Variants in PDK3 observed in about 807,000 individuals in gnomAD.
PDK3 encodes pyruvate dehydrogenase kinase, isozyme 3.
In PDK3, 12 loss-of-function variants were observed where a neutral mutation model predicts 32.0. The ratio of observed to expected loss-of-function variants is 0.37; its 90% CI spans 0.24 to 0.61. PDK3 has a LOEUF of 0.61. Among genes scored for constraint, PDK3 ranks in the 20% least tolerant of loss-of-function variants. The pLI, the probability that PDK3 is intolerant of heterozygous loss-of-function variation, is 0.65. For synonymous variants in PDK3, 122 were observed against 116.3 expected, an observed-to-expected ratio of 1.05 and a Z score of -0.31; for missense variants, 188 against 316.9, an observed-to-expected ratio of 0.59 and a Z score of 3.09.
intron 1 of PDK3, among the ~76,000 whole-genome samples, chrX:24,470,406 G>A (rs1920978066): frequency 1.8e-5 from 2 of 111,036 alleles, no homozygotes; most frequent in South Asian, 7.5e-4. Flanking sequence ...ATCCTACTTG[G>A]CTAGGCGCGG....
chrX:24,474,387 A>T (rs867949909), intron 1 of PDK3, among the ~76,000 whole-genome samples: 15 of 85,374 alleles, frequency 1.8e-4, no homozygotes, highest in Admixed American at 1.2e-3. Context: ...AGTTTATTTT[A>T]TTTATTTATT....
chrX:24,479,968 T>C (rs1021419719), intron 1 of PDK3, among the ~76,000 whole-genome samples: 2 of 111,351 alleles, frequency 1.8e-5, no homozygotes, highest in African/African-American at 6.6e-5. Context: ...GACTCACACG[T>C]ATAATAGGTA....
intron 3 of PDK3, 73 bp downstream of exon 3, chrX:24,498,973 C>A (rs1921785216): frequency 1.7e-6 from 1 of 593,438 alleles, no homozygotes; most frequent in Non-Finnish European, 2.6e-6. Context: ...TAATTCAAGT[C>A]ATTAAGACTC....
downstream of PDK3, chrX:24,539,335 C>T: frequency 2.4e-6 from 1 of 418,831 alleles, no homozygotes; most frequent in Non-Finnish European, 4.2e-6. Flanking sequence ...TTTCCTGTAG[C>T]TACTCCAGAT....
intron 5 of PDK3, among the ~76,000 whole-genome samples, chrX:24,506,803 T>TTC (rs1921991953): frequency 1.5e-5 from 1 of 65,852 alleles, no homozygotes; most frequent in Non-Finnish European, 2.9e-5. Context: ...TTTTCTTTCT[T>TTC]TTTTTTTTTT....
chrX:24,465,691 C>A lies in PDK3; in HGVS notation c.106+130C>A, dbSNP rs898748045. 8.0e-6 allele frequency: 4 copies of A among 498,534 alleles called. No homozygotes were observed. The African/African-American group carries it at 9.7e-5, about 12-fold the overall frequency. The allele number at this position is 498,534 out of a possible 1,213,427, so 41.1% of individuals were successfully genotyped here. On this transcript the variant is annotated intron_variant, in intron 1 of 10. Transcript: ENST00000379162. ...GGGGCTAGGGAATATCCGGGGGGCT[C>A]TCCTGGGGCTCGGATTTCGGGGCGC... is the stretch of plus-strand genomic sequence containing the variant.
chrX:24,482,429 C>T (rs757860921), intron 1 of PDK3, among the ~76,000 whole-genome samples: 4 of 111,678 alleles, frequency 3.6e-5, no homozygotes, highest in East Asian at 5.6e-4. Flanking sequence ...AAGCTGGTCT[C>T]GAACTCCTGA....
At chrX:24,496,440 T>A (rs996861183) in intron 2 of PDK3, among the ~76,000 whole-genome samples, 1 of 110,620 alleles carries the variant, frequency 9.0e-6, no homozygotes, top group African/African-American at 3.3e-5. Flanking sequence ...TGTATTTCAT[T>A]GGAACAGGTC....
At chrX:24,537,162 G>C (rs191335588), downstream of PDK3, among the ~76,000 whole-genome samples, 403 of 98,836 alleles carry the variant, frequency 4.1e-3, 3 homozygotes, top group African/African-American at 0.014. Flanking sequence ...CTGTCACCCA[G>C]GTTGGAGTGC....
At chrX:24,501,101 A>G (rs1049223664) in intron 3 of PDK3, among the ~76,000 whole-genome samples, 1 of 111,643 alleles carries the variant, frequency 9.0e-6, no homozygotes, top group African/African-American at 3.3e-5. Flanking sequence ...TTCATCAAAT[A>G]TTTCAGAAAA....
chrX:24,531,622 C>A, intron 9 of PDK3, 35 bp from the exon 10 acceptor site: 1 of 754,425 alleles, frequency 1.3e-6, no homozygotes, highest in Non-Finnish European at 2.1e-6. Context: ...AGCATTTGTG[C>A]CTGTCTCACT....
At chrX:24,470,866 A>T (rs1920984768) in intron 1 of PDK3, among the ~76,000 whole-genome samples, 1 of 108,253 alleles carries the variant, frequency 9.2e-6, no homozygotes, top group African/African-American at 3.4e-5. Context: ...ATTGGGTTGG[A>T]TTTATTAGTT....
chrX:24,533,756 G>C (rs1282482872), intron 10 of PDK3, among the ~76,000 whole-genome samples, 173 bp from the exon 11 acceptor site: 2 of 111,751 alleles, frequency 1.8e-5, no homozygotes, highest in African/African-American at 3.3e-5. Flanking sequence ...CTTTAAAAAA[G>C]CTTTAATGTT....
chrX:24,470,066 T>G (rs1920975716), intron 1 of PDK3, among the ~76,000 whole-genome samples: 1 of 112,049 alleles, frequency 8.9e-6, no homozygotes. Context: ...GATGAACTCC[T>G]GGGTTTGTTT....
intron 1 of PDK3, among the ~76,000 whole-genome samples, chrX:24,478,431 G>T (rs186156918): frequency 6.2e-5 from 7 of 112,184 alleles, no homozygotes; most frequent in Non-Finnish European, 1.1e-4. Context: ...CTGCACTCCA[G>T]CCTGGGTGAT....
chrX:24,489,721 CAACA>C (rs1399896572), intron 1 of PDK3, among the ~76,000 whole-genome samples: 4 of 102,551 alleles, frequency 3.9e-5, no homozygotes, highest in East Asian at 3.0e-4. Context: ...AAGAAATCAA[CAACA>C]AACAAAGAAA....
intron 9 of PDK3, among the ~76,000 whole-genome samples, chrX:24,530,643 G>T (rs1602128079): frequency 9.0e-6 from 1 of 110,901 alleles, no homozygotes; most frequent in African/African-American, 3.3e-5. Flanking sequence ...AACCAGAAGT[G>T]AGGAAGCTTG....
At chrX:24,490,353 A>G (rs1477099351) in intron 1 of PDK3, among the ~76,000 whole-genome samples, 1 of 111,282 alleles carries the variant, frequency 9.0e-6, no homozygotes, top group Non-Finnish European at 1.9e-5. Context: ...GGTGGTTACA[A>G]TGAAGTTTAG....
chrX:24,501,633 A>C lies in PDK3; in HGVS notation c.321-1694A>C, dbSNP rs140199455. ...GGGAGGCTGCAGGAGAATTGCCTAA[A>C]CGCGGGAGGCAGAGGTTGCAGTGAG... On this transcript the variant is annotated intron_variant, in intron 3 of 10. Transcript: ENST00000379162. 4.0e-3 allele frequency among the ~76,000 whole-genome samples: 453 copies of C among 112,429 alleles called. 2 individuals carry two copies. The highest frequency in any genetic ancestry group is 0.013 in the African/African-American group (413 of 30,985).
Sources: allele counts gnomAD v4.1 joint callset (sites outside exome capture counted in the v4.1 genomes callset), GRCh38; gene constraint gnomAD v4.1.1; transcripts MANE v1.5; gene names NCBI Gene and HGNC (gene_info 2026-07-23, HGNC 2026-07-21).